Variants in TCF7L2 observed in about 807,000 individuals in gnomAD.
TCF7L2 encodes transcription factor 7 like 2, also known as transcription factor 7-like 2.
Under a neutral mutation model 77.9 loss-of-function variants are expected in TCF7L2, and 23 were observed. The ratio of observed to expected loss-of-function variants is 0.30; its 90% CI spans 0.21 to 0.42. The LOEUF (loss-of-function observed/expected upper bound fraction) is 0.42. Ranked by LOEUF, TCF7L2 falls within the 10% of genes least tolerant of loss-of-function variation. TCF7L2 has a pLI of 1.00. For synonymous variants in TCF7L2, 413 were observed against 340.2 expected (o/e 1.21, Z -2.36); for missense variants, 654 against 793.1 (o/e 0.82, Z 2.11).
chr10:113,036,207 A>G (rs754519049), intron 4 of TCF7L2, among the ~76,000 whole-genome samples: 1 of 151,862 alleles, frequency 6.6e-6, no homozygotes, highest in East Asian at 1.9e-4. Flanking sequence ...AAATTTATAC[A>G]GAGCCCCCAG....
chr10:112,955,415 T>G (rs1174236214), intron 3 of TCF7L2, among the ~76,000 whole-genome samples: 1 of 152,218 alleles, frequency 6.6e-6, no homozygotes, highest in Non-Finnish European at 1.5e-5. Flanking sequence ...GGCTCAACAT[T>G]CACCCAATAA....
intron 4 of TCF7L2, among the ~76,000 whole-genome samples, chr10:113,028,551 A>C (rs1203463035): frequency 1.3e-5 from 2 of 152,194 alleles, no homozygotes; most frequent in Non-Finnish European, 2.9e-5. Context: ...AAGGGGAAAA[A>C]AAACAAAAGG....
intron 3 of TCF7L2, among the ~76,000 whole-genome samples, chr10:112,952,317 C>T (rs1229031511): frequency 1.3e-5 from 2 of 152,178 alleles, no homozygotes; most frequent in Admixed American, 6.5e-5. Context: ...GGTCCCACCG[C>T]AAACTTGGGG....
chr10:112,951,080 T>G (rs1015905666), intron 1 of TCF7L2, 127 bp from the exon 2 acceptor site: 13 of 1,304,710 alleles, frequency 1.0e-5, no homozygotes, highest in South Asian at 1.3e-5. Context: ...GGTGCCACCA[T>G]TGCAAAAACT....
rs1221145104 is a variant in TCF7L2, at chr10:112,991,493, G to C, written c.450+26869G>C. Among the ~76,000 whole-genome samples, 10 of 150,760 alleles carry C rather than the reference G, an allele frequency of 6.6e-5. No homozygotes were observed. The East Asian group carries it at 1.8e-3, about 27-fold the overall frequency. On this transcript the variant is annotated intron_variant, in intron 4 of 13. Transcript: ENST00000627217. ...ACTGCACTCCAGCCTGGGCGACAGAGCGAGACTCCATCTCAAAAAAAAAAA... is the reference window on the plus strand; with the variant it reads ...ACTGCACTCCAGCCTGGGCGACAGACCGAGACTCCATCTCAAAAAAAAAAA...
chr10:113,129,608 C>T (rs1320986888), intron 5 of TCF7L2: 2 of 1,135,814 alleles, frequency 1.8e-6, no homozygotes, highest in African/African-American at 3.3e-5. Flanking sequence ...GAAGGATTAA[C>T]AAGATAATTC....
rs2137126553 is a variant in TCF7L2 at position 113,151,006 on chromosome 10, C to A, written c.884C>A (p.Pro295His). The stretch of plus-strand genomic sequence containing the variant: ...AGCTTTCTGTCTTCTAGGTTCCCTC[C>A]CCATATGGTCCCACCACATCATACG... The change falls in exon 9 of 14, where the codon CCC becomes CAC. Residue 295 changes from proline (P) to histidine (H), a missense_variant. By Grantham distance (77) the Pro-to-His change is moderately conservative. Around this residue, in one of 6 missense-constraint regions of TCF7L2, gnomAD observed 179 missense variants for 270.6 expected, o/e 0.66. Coordinates refer to ENST00000627217, the MANE Select transcript of TCF7L2 (RefSeq NM_001146274.2). This position sits in a 1 kb window ranked among gnomAD's most constrained non-coding sequence, Gnocchi z 5.2. 6.2e-7 allele frequency: 1 copy of A among 1,614,006 alleles called. No homozygotes were observed. Among genetic ancestry groups the A allele is most frequent in the Non-Finnish European group, 8.5e-7 (1 of 1,179,988 alleles).
intron 4 of TCF7L2, among the ~76,000 whole-genome samples, chr10:113,006,897 T>G (rs2045646423): frequency 6.6e-6 from 1 of 152,208 alleles, no homozygotes; most frequent in Admixed American, 6.5e-5. Flanking sequence ...TTCTCCAGCC[T>G]CCTGCCCTTC....
At position 112,965,329 on chromosome 10, in the gene TCF7L2, C is replaced by G. The variant is rs145331113; in HGVS notation, c.450+705C>G. ...GGACTAATATAGACTCGGAGCTGAA[C>G]TGATGCCAGCAGAATGCAGTAGAGG... is the stretch of plus-strand genomic sequence containing the variant. On this transcript the variant is annotated intron_variant, in intron 4 of 13. Transcript: ENST00000627217. Among the ~76,000 whole-genome samples the G allele has an allele frequency of 2.0e-3, 299 of 152,268 alleles. 2 individuals are homozygous for G. The highest frequency in any genetic ancestry group is 7.0e-3 in the African/African-American group (290 of 41,542).
chr10:113,165,908 C>G lies in TCF7L2; in HGVS notation c.1745C>G (p.Ser582Cys), dbSNP rs770962902. ...CAGCCGTCGACTTCTTCCTTACATT[C>G]CCACAGCTCCCTGGCCGGGACCCAG... Residue 582 changes from serine (S) to cysteine (C), a missense_variant, in exon 14 of 14, where the codon TCC (serine) becomes TGC (cysteine). This residue lies in a region of TCF7L2 where 272 missense variants were observed against 215.4 expected (regional missense o/e 1.26). Transcript: ENST00000627217. 36 of 1,588,958 alleles carry G rather than the reference C, an allele frequency of 2.3e-5. 1 individual carries two copies. The South Asian group carries it at 4.1e-4, about 18-fold the overall frequency.
chr10:113,058,053 A>G (rs2134761721), intron 5 of TCF7L2, among the ~76,000 whole-genome samples: 1 of 152,274 alleles, frequency 6.6e-6, no homozygotes. Context: ...GGCAGGAAGA[A>G]GTTAATGTCT....
intron 4 of TCF7L2, among the ~76,000 whole-genome samples, chr10:112,988,888 A>G (rs1357144690): frequency 1.3e-5 from 2 of 152,188 alleles, no homozygotes; most frequent in Non-Finnish European, 2.9e-5. Flanking sequence ...AACACTCACA[A>G]TGCCTTTAAA....
Position 113,118,904 on chromosome 10 carries a change from GTCT to G in TCF7L2, c.553-22275_553-22273del, listed in dbSNP as rs541495371. Among the ~76,000 whole-genome samples the G allele has an allele frequency of 4.5e-4, 69 of 152,046 alleles. 2 individuals are homozygous for G. The South Asian group carries it at 0.014, about 31-fold the overall frequency. The stretch of plus-strand genomic sequence containing the variant: ...ATTTAATTTTCTTTGCTATTTGGAG[GTCT>G]TCTTTGAAAATGCAATTGTAATGAA... On this transcript the variant is annotated intron_variant, in intron 5 of 13. Transcript: ENST00000627217.
At chr10:113,040,309 A>G (rs1475948074) in intron 5 of TCF7L2, among the ~76,000 whole-genome samples, 183 bp downstream of exon 5, 1 of 152,136 alleles carries the variant, frequency 6.6e-6, no homozygotes, top group Non-Finnish European at 1.5e-5. Flanking sequence ...GACCTTAATG[A>G]TTGTAACCTA....
At chr10:113,045,595 T>G (rs896478649) in intron 5 of TCF7L2, among the ~76,000 whole-genome samples, 5 of 152,042 alleles carry the variant, frequency 3.3e-5, no homozygotes, top group Admixed American at 6.6e-5. Context: ...GGCCAGAGAC[T>G]GGGCTTCTGG....
At chr10:112,957,375 A>T (rs552861444) in intron 3 of TCF7L2, among the ~76,000 whole-genome samples, 1 of 151,990 alleles carries the variant, frequency 6.6e-6, no homozygotes, top group South Asian at 2.1e-4. Flanking sequence ...GAGAGTTTTT[A>T]AAAAAGTGAG....
At chr10:113,016,580 C>T (rs946037981) in intron 4 of TCF7L2, among the ~76,000 whole-genome samples, 24 of 151,940 alleles carry the variant, frequency 1.6e-4, no homozygotes, top group Admixed American at 1.5e-3. Flanking sequence ...CCTGAAGCTC[C>T]GGCAGAGCCT....
rs774722679 is a variant in TCF7L2, at chr10:113,085,026, T to G, written c.552+44900T>G. On this transcript the variant is annotated intron_variant, in intron 5 of 13. Transcript: ENST00000627217. ...TCTTGCCTGTGAGGTTGGTTGAGAT[T>G]CTTCTAACAGCCAACAGGTGTTGGC... 3.3e-5 allele frequency among the ~76,000 whole-genome samples: 5 copies of G among 152,132 alleles called. No individual in the cohort carries two copies. The South Asian group carries it at 6.2e-4, about 19-fold the overall frequency.
intron 5 of TCF7L2, chr10:113,126,665 T>C: frequency 1.0e-6 from 1 of 985,356 alleles, no homozygotes; most frequent in Non-Finnish European, 1.2e-6. Context: ...GAGATAATTC[T>C]GTGAATGGAA....
Sources: gnomAD v4.1 joint callset for allele counts (sites outside exome capture counted in the v4.1 genomes callset) on GRCh38, gnomAD v4.1.1 for gene constraint, gnomAD v4.1.1 regional missense constraint, Gnocchi (gnomAD v3.1) non-coding constraint, MANE v1.5 for transcripts, NCBI Gene and HGNC (gene_info 2026-07-23, HGNC 2026-07-21) for gene names.